PAK5: variants seen among roughly 807,000 people sequenced by gnomAD.
PAK5 encodes p21 (RAC1) activated kinase 5.
PAK5 carries 16 observed loss-of-function variants against 65.9 expected under a neutral mutation model. That is an observed-to-expected ratio of 0.24 (90% CI 0.16 to 0.37). PAK5 has a LOEUF of 0.37. Among genes scored for constraint, PAK5 ranks in the 10% least tolerant of loss-of-function variants. The pLI is 1.00. For missense variants in PAK5, 785 were observed against 903.9 expected (o/e 0.87, Z 1.69); for synonymous variants, 371 against 354.9 (o/e 1.05, Z -0.51).
At chr20:9,753,657 C>T (rs1198459581) in intron 1 of PAK5, among the ~76,000 whole-genome samples, 2 of 151,988 alleles carry the variant, frequency 1.3e-5, no homozygotes, top group African/African-American at 2.4e-5. Flanking sequence ...ATGTGATAGC[C>T]CATAAAGGGA....
At chr20:9,696,851 A>G (rs2047876429) in intron 2 of PAK5, among the ~76,000 whole-genome samples, 1 of 152,086 alleles carries the variant, frequency 6.6e-6, no homozygotes, top group South Asian at 2.1e-4. Flanking sequence ...CTAGATGAAT[A>G]TCTCTGCAGA....
intron 3 of PAK5, among the ~76,000 whole-genome samples, chr20:9,630,288 GTTAGAAAC>G (rs2046904735): frequency 6.6e-6 from 1 of 152,192 alleles, no homozygotes; most frequent in African/African-American, 2.4e-5. Context: ...AGAGCTCTTT[GTTAGAAAC>G]TTAGAAAGAT....
At chr20:9,711,048 T>G (rs1022996184) in intron 2 of PAK5, among the ~76,000 whole-genome samples, 6 of 152,200 alleles carry the variant, frequency 3.9e-5, no homozygotes, top group Admixed American at 2.0e-4. Context: ...ATAAACATTA[T>G]CAATGGTTGT....
chr20:9,760,673 CTTT>C (rs5840332), intron 1 of PAK5, among the ~76,000 whole-genome samples: 9 of 122,792 alleles, frequency 7.3e-5, no homozygotes, highest in Non-Finnish European at 1.1e-4. Flanking sequence ...CTTTTCTTTT[CTTT>C]TTTTTTTTTT....
chr20:9,577,874 G>A lies in PAK5; in HGVS notation c.990+2271C>T, dbSNP rs114435116. Among the ~76,000 whole-genome samples the A allele has an allele frequency of 6.5e-3, 994 of 152,254 alleles. 9 individuals carry two copies. The highest frequency in any genetic ancestry group is 0.023 in the African/African-American group (937 of 41,536). The stretch of plus-strand genomic sequence containing the variant: ...TTGTTGTTGTTGTTGGTGGTGGTGA[G>A]CCACAATAGTTTGTGCATTGTTTCT... On this transcript the variant is annotated intron_variant, in intron 4 of 9. Transcript: ENST00000353224.
rs1231975775 is a variant in PAK5 at position 9,544,398 on chromosome 20, C to T, written c.1840G>A (p.Val614Met). The T allele has an allele frequency of 3.1e-6, 5 of 1,614,098 alleles. No homozygotes were observed. Among genetic ancestry groups the T allele is most frequent in the Non-Finnish European group, 4.2e-6 (5 of 1,179,950 alleles). ...GTCCCATAAGGTAGCCTAGAAATCA[C>T]CTCAGGGGCCATCCAGTAGGGAGTG... ...VGTPYWMAPE[V>M]ISRLPYGTEV... is the part of the protein sequence containing the mutation. Residue 614 changes from valine (V) to methionine (M), a missense_variant, in exon 8 of 10, where the codon GTG (valine) becomes ATG (methionine). Physicochemically the swap from Val to Met is conservative, Grantham distance 21. Transcript: ENST00000353224.
chr20:9,769,573 T>C (rs893749791), intron 1 of PAK5, among the ~76,000 whole-genome samples: 8 of 152,244 alleles, frequency 5.3e-5, no homozygotes, highest in African/African-American at 1.2e-4. Context: ...CCCCTCAAAA[T>C]TGAATCTGAC....
chr20:9,706,488 T>C (rs2048009210), intron 2 of PAK5, among the ~76,000 whole-genome samples: 2 of 110,830 alleles, frequency 1.8e-5, no homozygotes, highest in South Asian at 3.1e-4. Context: ...TTTTTTTTTT[T>C]CTTTTTAAGA....
chr20:9,643,304 T>G (rs2047093155), intron 3 of PAK5, among the ~76,000 whole-genome samples: 1 of 152,206 alleles, frequency 6.6e-6, no homozygotes, highest in African/African-American at 2.4e-5. Flanking sequence ...GGCAATTGCC[T>G]GCTAGTCTAT....
chr20:9,704,983 A>G (rs2047987863), intron 2 of PAK5, among the ~76,000 whole-genome samples: 1 of 152,224 alleles, frequency 6.6e-6, no homozygotes, highest in Non-Finnish European at 1.5e-5. Flanking sequence ...ACCAGGTACA[A>G]TCTTGTTCCC....
At chr20:9,642,688 A>G (rs1353664268) in intron 3 of PAK5, among the ~76,000 whole-genome samples, 1 of 152,224 alleles carries the variant, frequency 6.6e-6, no homozygotes, top group African/African-American at 2.4e-5. Context: ...CAATAGTAGG[A>G]TATTTCCACA....
At chr20:9,834,803 A>G (rs1979012849) in intron 1 of PAK5, among the ~76,000 whole-genome samples, 1 of 152,166 alleles carries the variant, frequency 6.6e-6, no homozygotes. Flanking sequence ...TTATTATTAT[A>G]CATAATGATT....
intron 1 of PAK5, among the ~76,000 whole-genome samples, chr20:9,751,089 G>A (rs546558131): frequency 6.6e-6 from 1 of 152,108 alleles, no homozygotes; most frequent in East Asian, 1.9e-4. Flanking sequence ...TTCCAAATTA[G>A]TCATGCTAAG....
At chr20:9,756,024 G>C (rs742449) in intron 1 of PAK5, among the ~76,000 whole-genome samples, 24,714 of 152,120 alleles carry the variant, frequency 0.16, 2,291 homozygotes, top group East Asian at 0.28. Context: ...TCACTGAGGG[G>C]CCACAGGGCC....
At chr20:9,591,093 G>C (rs2046162536) in intron 3 of PAK5, among the ~76,000 whole-genome samples, 1 of 152,192 alleles carries the variant, frequency 6.6e-6, no homozygotes, top group African/African-American at 2.4e-5. Context: ...AACACTTGCT[G>C]TGTGCCAAGA....
chr20:9,700,835 G>A lies in PAK5; in HGVS notation c.-12+10451C>T, dbSNP rs145900212. Among the ~76,000 whole-genome samples, 133 of 152,162 alleles carry A rather than the reference G, an allele frequency of 8.7e-4. 1 individual carries two copies. Among genetic ancestry groups the A allele is most frequent in the African/African-American group, 2.8e-3 (118 of 41,524 alleles). On this transcript the variant is annotated intron_variant, in intron 2 of 9. Transcript: ENST00000353224. Reference sequence around the variant, plus strand: ...GCAGGCTAGATTCAGCACATAGGGCGCCCCAAACATGTTTTGTTCCCCCAG... The same window carrying A: ...GCAGGCTAGATTCAGCACATAGGGCACCCCAAACATGTTTTGTTCCCCCAG...
At chr20:9,685,311 G>A (rs2047703558) in intron 2 of PAK5, among the ~76,000 whole-genome samples, 2 of 152,126 alleles carry the variant, frequency 1.3e-5, no homozygotes, top group Non-Finnish European at 2.9e-5. Flanking sequence ...GTCTCAGAAT[G>A]TGACTTTATT....
intron 7 of PAK5, among the ~76,000 whole-genome samples, chr20:9,548,357 T>C (rs770975626): frequency 6.6e-5 from 10 of 151,184 alleles, no homozygotes; most frequent in African/African-American, 9.7e-5. Flanking sequence ...GGAGCCCACG[T>C]TGATCACTCT....
At chr20:9,618,928 T>G (rs1466585510) in intron 3 of PAK5, among the ~76,000 whole-genome samples, 11 of 104,998 alleles carry the variant, frequency 1.0e-4, no homozygotes, top group South Asian at 4.2e-4. Flanking sequence ...TTTTTTTTTT[T>G]TTTTTTTTTT....
Sources: gnomAD v4.1 joint callset for allele counts (sites outside exome capture counted in the v4.1 genomes callset) on GRCh38, gnomAD v4.1.1 for gene constraint, MANE v1.5 for transcripts, NCBI Gene and HGNC (gene_info 2026-07-23, HGNC 2026-07-21) for gene names.